Variants in SUMF1 observed in about 807,000 individuals in gnomAD.
SUMF1 encodes sulfatase modifying factor 1.
Under a neutral mutation model 47.6 loss-of-function variants are expected in SUMF1, and 48 were observed. The observed-to-expected ratio is 1.01, with a 90% CI of 0.80 to 1.28. The LOEUF (loss-of-function observed/expected upper bound fraction) is 1.28. Ranked by LOEUF, SUMF1 falls within the 50% of genes most tolerant of loss-of-function variation. The pLI is 0.00. For missense variants in SUMF1, 571 were observed against 485.4 expected, an observed-to-expected ratio of 1.18 and a Z score of -1.66; for synonymous variants, 230 against 192.1, an observed-to-expected ratio of 1.20 and a Z score of -1.63.
intron 8 of SUMF1, 74 bp downstream of exon 8, chr3:4,376,256 G>A: frequency 5.9e-6 from 9 of 1,536,052 alleles, no homozygotes; most frequent in Non-Finnish European, 8.1e-6. Context: ...GACATTTGGG[G>A]CTATCATTTA....
rs919560464 is a variant in SUMF1, at chr3:4,467,138, C to G, written c.108G>C (p.Glu36Asp). Residue 36 changes from glutamate to aspartate, a missense_variant, in exon 1 of 9, where the codon GAG (glutamate) becomes GAC (aspartate). Glu to Asp is a conservative substitution (Grantham distance 45). Transcript: ENST00000272902. ...ACCCCGCGCCCGCACCGGTCCCGGC[C>G]TCCTGGCTCCCTGCCGCTCCACACA... ...SLLCGAAGSQ[E>D]AGTGAGAGSL... The G allele has an allele frequency of 2.5e-6, 4 of 1,573,390 alleles. 1 individual carries two copies. The South Asian group carries it at 3.5e-5, about 14-fold the overall frequency.
At chr3:4,161,505 A>G (rs1694575867) in intron 8 of SUMF1, among the ~76,000 whole-genome samples, 1 of 152,062 alleles carries the variant, frequency 6.6e-6, no homozygotes, top group Non-Finnish European at 1.5e-5. Flanking sequence ...GTTGGCACAC[A>G]AATCGTAAGA....
intron 8 of SUMF1, among the ~76,000 whole-genome samples, chr3:4,273,850 A>G (rs2125039305): frequency 6.9e-6 from 1 of 144,628 alleles, no homozygotes; most frequent in African/African-American, 2.6e-5. Flanking sequence ...AGGGCATGGG[A>G]AGGCAGGGCA....
intron 8 of SUMF1, among the ~76,000 whole-genome samples, chr3:4,217,326 G>A (rs1415481272): frequency 1.3e-5 from 2 of 149,284 alleles, no homozygotes; most frequent in African/African-American, 5.0e-5. Context: ...AGAACACATG[G>A]ACATAGGGAG....
intron 8 of SUMF1, among the ~76,000 whole-genome samples, chr3:4,301,746 CAGA>C (rs768530804): frequency 1.1e-4 from 17 of 152,270 alleles, no homozygotes; most frequent in African/African-American, 4.1e-4. Flanking sequence ...GCAAGACTGG[CAGA>C]AGAAGTCAAT....
intron 8 of SUMF1, among the ~76,000 whole-genome samples, chr3:4,319,763 T>C (rs1230506391): frequency 2.0e-5 from 3 of 152,216 alleles, no homozygotes; most frequent in Non-Finnish European, 4.4e-5. Context: ...CACACATTTC[T>C]TCAATAAGTG....
At chr3:4,411,321 A>C (rs1233897346) in intron 6 of SUMF1, among the ~76,000 whole-genome samples, 2 of 152,152 alleles carry the variant, frequency 1.3e-5, no homozygotes, top group Non-Finnish European at 2.9e-5. Flanking sequence ...GACTTTCAAA[A>C]TCATTCACAG....
intron 7 of SUMF1, among the ~76,000 whole-genome samples, chr3:4,403,446 T>G (rs1701277890): frequency 6.6e-6 from 1 of 152,128 alleles, no homozygotes. Context: ...CCCCAATTCA[T>G]GTTATTCAGA....
chr3:4,184,064 A>G (rs1695150035), intron 8 of SUMF1, among the ~76,000 whole-genome samples: 1 of 151,812 alleles, frequency 6.6e-6, no homozygotes, highest in Non-Finnish European at 1.5e-5. Flanking sequence ...GAACCTGGGA[A>G]GAGGAGGTTG....
At position 4,253,667 on chromosome 3, in the gene SUMF1, C is replaced by T. The variant is rs992535908; in HGVS notation, c.1014+122663G>A. Among the ~76,000 whole-genome samples, 42 of 151,630 alleles carry T rather than the reference C, an allele frequency of 2.8e-4. No homozygotes were observed. The East Asian group carries it at 6.2e-3, about 22-fold the overall frequency. ...AGCAGTCTGTGATCAAACTGCAAGG[C>T]GGCAGCGAGGCTGGGGGAGGGGCGC... On this transcript the variant is annotated intron_variant and NMD_transcript_variant, in intron 8 of 12. Coordinates refer to the SUMF1 transcript ENST00000448413.
At chr3:4,466,929 C>T in intron 1 of SUMF1, 47 bp downstream of exon 1, 3 of 1,596,004 alleles carry the variant, frequency 1.9e-6, no homozygotes, top group Non-Finnish European at 2.6e-6. Flanking sequence ...CAACCCCGTC[C>T]AGGAACCGAG....
chr3:4,134,480 G>A (rs886379598), intron 8 of SUMF1, among the ~76,000 whole-genome samples: 3 of 152,188 alleles, frequency 2.0e-5, no homozygotes, highest in African/African-American at 4.8e-5. Context: ...TGTGTAGAGG[G>A]AAATTTATAG....
chr3:4,424,621 C>T (rs1447486013), intron 3 of SUMF1, among the ~76,000 whole-genome samples: 1 of 151,092 alleles, frequency 6.6e-6, no homozygotes, highest in East Asian at 2.0e-4. Context: ...CCCAACTGTC[C>T]TTGGTGTCCA....
At chr3:4,110,061 T>C (rs1367969353) in intron 8 of SUMF1, among the ~76,000 whole-genome samples, 1 of 152,114 alleles carries the variant, frequency 6.6e-6, no homozygotes, top group Non-Finnish European at 1.5e-5. Flanking sequence ...TGGTTTTATC[T>C]ACCTTTGGTC....
intron 8 of SUMF1, among the ~76,000 whole-genome samples, chr3:4,260,306 G>A (rs1244703892): frequency 6.6e-6 from 1 of 152,036 alleles, no homozygotes; most frequent in Non-Finnish European, 1.5e-5. Context: ...GTCAGTTCTG[G>A]CTAATTGATA....
intron 8 of SUMF1, among the ~76,000 whole-genome samples, chr3:4,174,983 G>A (rs111774465): frequency 7.2e-5 from 11 of 152,174 alleles, no homozygotes; most frequent in Non-Finnish European, 1.3e-4. Flanking sequence ...GCTGGGGGAG[G>A]GGCGTCTGCC....
At chr3:4,369,611 C>CA in intron 8 of SUMF1, among the ~76,000 whole-genome samples, 1 of 152,196 alleles carries the variant, frequency 6.6e-6, no homozygotes, top group Admixed American at 6.5e-5. Flanking sequence ...TTTTAGAAGG[C>CA]AAAAATTGAT....
intron 8 of SUMF1, among the ~76,000 whole-genome samples, chr3:4,174,098 T>C (rs1461662632): frequency 1.3e-5 from 2 of 152,082 alleles, no homozygotes; most frequent in Non-Finnish European, 2.9e-5. Flanking sequence ...GGCTCACGCC[T>C]GTAATCCCAG....
chr3:4,167,745 C>G (rs536959866), intron 8 of SUMF1, among the ~76,000 whole-genome samples: 1 of 152,290 alleles, frequency 6.6e-6, no homozygotes, highest in African/African-American at 2.4e-5. Flanking sequence ...AGGAGCACAG[C>G]AGAAAGGTCA....
Sources: allele counts gnomAD v4.1 joint callset (sites outside exome capture counted in the v4.1 genomes callset), GRCh38; gene constraint gnomAD v4.1.1; transcripts MANE v1.5; gene names NCBI Gene and HGNC (gene_info 2026-07-23, HGNC 2026-07-21).